Variants in NBPF12 observed in about 807,000 individuals in gnomAD.
NBPF12 encodes the protein NBPF family member NBPF12.
A neutral mutation model predicts 146.4 loss-of-function variants in NBPF12; 115 were observed. That is an observed-to-expected ratio of 0.79 (90% CI 0.68 to 0.92). The LOEUF (loss-of-function observed/expected upper bound fraction) is 0.92, where lower values mean the gene tolerates loss of function less well. Ranked by LOEUF, NBPF12 falls within the 40% of genes least tolerant of loss-of-function variation. The probability of loss-of-function intolerance (pLI) is 0.00; values close to 1 mark genes in which losing one functional copy is unlikely to be tolerated. For missense variants in NBPF12, 1,205 were observed against 1,326.8 expected (o/e 0.91, Z 1.43); for synonymous variants, 385 against 508.9 (o/e 0.76, Z 3.28).
intron 16 of NBPF12, 59 bp from the exon 20 acceptor site, chr1:146,976,870 G>C: frequency 1.7e-6 from 1 of 595,174 alleles, no homozygotes; most frequent in African/African-American, 2.0e-5. Flanking sequence ...ACATTGGGCT[G>C]ACTGTGCTTG....
Position 146,957,879 on chromosome 1 carries a change from TTATGTATATACACATATATATACACG to T in NBPF12, c.-183-1966_-183-1941del, listed in dbSNP as rs1408076982. Among the ~76,000 whole-genome samples the T allele has an allele frequency of 3.6e-5, 2 of 54,882 alleles. 1 individual carries two copies. The highest frequency in any genetic ancestry group is 6.1e-5 in the Non-Finnish European group (2 of 33,048). 36.0% of individuals were successfully genotyped at this position (54,882 alleles called of 152,430 possible). ...ATACACGTGTTATATATATTGTATA[TTATGTATATACACATATATATACACG>T]TATGTATATACACGTATATAATATA... On this transcript the variant is annotated intron_variant, in intron 2 of 33. Transcript: ENST00000617844.
At chr1:146,978,643 C>T (rs1657200717) in intron 18 of NBPF12, among the ~76,000 whole-genome samples, 3 of 151,476 alleles carry the variant, frequency 2.0e-5, no homozygotes, top group African/African-American at 7.3e-5. Context: ...GTCCGTATTG[C>T]AGCAACATTC....
At position 146,970,720 on chromosome 1, in the gene NBPF12, G is replaced by A; in HGVS notation, c.1379+1G>A. 8.8e-6 allele frequency: 12 copies of A among 1,357,584 alleles called. No homozygotes were observed. The highest frequency in any genetic ancestry group is 1.3e-5 in the Non-Finnish European group (12 of 948,986). 84.1% of individuals were successfully genotyped at this position (1,357,584 alleles called of 1,614,324 possible). ...AAGTGCTGGAATCATCTTCCCCCAG[G>A]TGACACTGAATACTCAGGAGCAAGT... On this transcript the variant is annotated splice_donor_variant, in intron 12 of 33. Coordinates refer to ENST00000617844, the Ensembl canonical transcript of NBPF12. LOFTEE classifies it high-confidence loss of function.
At chr1:146,969,688 G>T (rs1321578804) in intron 11 of NBPF12, 92 bp downstream of exon 14, 4 of 1,547,764 alleles carry the variant, frequency 2.6e-6, no homozygotes, top group Admixed American at 1.7e-5. Flanking sequence ...TGTATCAGTG[G>T]GGTTTTTTTC....
At chr1:146,947,496 CA>C (rs1179967201), upstream of NBPF12, among the ~76,000 whole-genome samples, 1 of 136,630 alleles carries the variant, frequency 7.3e-6, no homozygotes, top group South Asian at 2.7e-4. Context: ...AATAGAAACC[CA>C]AAAGTTTGTT....
chr1:146,946,816 T>G (rs2101815694), upstream of NBPF12, among the ~76,000 whole-genome samples: 1 of 152,052 alleles, frequency 6.6e-6, no homozygotes, highest in South Asian at 2.1e-4. Flanking sequence ...CTTATGGTTT[T>G]GCACTTACAT....
intron 13 of NBPF12, 65 bp from the exon 17 acceptor site, chr1:146,972,686 C>A (rs1234988457): frequency 7.8e-7 from 1 of 1,287,652 alleles, no homozygotes; most frequent in African/African-American, 1.5e-5. Flanking sequence ...TCCCTCAGTC[C>A]TGATTAAGCC....
At chr1:146,992,753 T>G (rs1658286746) in exon 32 of NBPF12, 1 of 674,444 alleles carries the variant, frequency 1.5e-6, no homozygotes, top group South Asian at 1.6e-5. Context: ...CCTGAAGTCT[T>G]GCAGGACTCA....
rs1553882537 is a variant in NBPF12 at position 146,939,187 on chromosome 1, C to A, written c.-822+205C>A. Among the ~76,000 whole-genome samples, 8 of 152,142 alleles carry A rather than the reference C, an allele frequency of 5.3e-5. No individual in the cohort carries two copies. The East Asian group carries it at 1.4e-3, about 26-fold the overall frequency. ...TCGCCTGCCGCTGCAGCCCACAGCC[C>A]TCCTCTCGTGGGCGCTGGGGAAGAA... On this transcript the variant is annotated intron_variant, in intron 1 of 35. Transcript: ENST00000617931.
chr1:146,966,313 G>C (rs1656202590), intron 8 of NBPF12, 151 bp from the exon 12 acceptor site: 1 of 776,260 alleles, frequency 1.3e-6, no homozygotes, highest in Non-Finnish European at 2.3e-6. Flanking sequence ...ACTTAAAGGA[G>C]ATCAAGACTG....
At chr1:146,956,448 A>G (rs1445663852) in intron 2 of NBPF12, among the ~76,000 whole-genome samples, 3 of 151,762 alleles carry the variant, frequency 2.0e-5, no homozygotes, top group Admixed American at 1.3e-4. Flanking sequence ...ATCCATTTGT[A>G]AACGTGCATT....
At chr1:146,994,469 A>C in exon 34 of NBPF12, 1 of 1,610,872 alleles carries the variant, frequency 6.2e-7, no homozygotes, top group Non-Finnish European at 8.5e-7. Flanking sequence ...TACTCATTTG[A>C]GGAACAGCAC....
chr1:146,973,674 C>G (rs1441022166), intron 14 of NBPF12, among the ~76,000 whole-genome samples: 1 of 148,326 alleles, frequency 6.7e-6, no homozygotes, highest in Non-Finnish European at 1.5e-5. Flanking sequence ...TGTAATCACC[C>G]CTGCTCAGGA....
At chr1:146,969,246 T>A (rs1553886051) in intron 10 of NBPF12, 136 bp from the exon 14 acceptor site, 12,118 of 1,051,628 alleles carry the variant, frequency 0.012, 218 homozygotes, top group African/African-American at 0.03. Flanking sequence ...TTGGCCACAG[T>A]CATTCCTTTC....
intron 4 of NBPF12, among the ~76,000 whole-genome samples, chr1:146,961,077 C>CTG (rs1655818760): frequency 6.6e-6 from 1 of 152,056 alleles, no homozygotes; most frequent in Admixed American, 6.6e-5. Flanking sequence ...ACCCAGCAGG[C>CTG]AGGTGTTGCA....
chr1:146,978,071 C>T (rs1288204869), intron 18 of NBPF12, among the ~76,000 whole-genome samples: 740 of 143,920 alleles, frequency 5.1e-3, no homozygotes, highest in African/African-American at 0.019. Flanking sequence ...GTTCCCCAGG[C>T]TTCACTGCTC....
chr1:146,973,877 GT>G (rs1656818549), intron 14 of NBPF12, among the ~76,000 whole-genome samples: 1 of 149,852 alleles, frequency 6.7e-6, no homozygotes, highest in Non-Finnish European at 1.5e-5. Context: ...ACAGAGTCTT[GT>G]TCCTAAAGAG....
chr1:146,954,712 C>A (rs1553884203), intron 2 of NBPF12, among the ~76,000 whole-genome samples: 1 of 149,924 alleles, frequency 6.7e-6, no homozygotes, highest in Admixed American at 6.6e-5. Context: ...TGAATGAATT[C>A]ACTACCTATT....
intron 31 of NBPF12, among the ~76,000 whole-genome samples, chr1:146,992,462 C>CTCTCTCTGTGTGTG (rs1450490306): frequency 7.2e-4 from 48 of 66,258 alleles, no homozygotes; most frequent in African/African-American, 3.2e-3. Context: ...CTCTCTCTCT[C>CTCTCTCTGTGTGTG]TGTGTGTGTG....
Sources: gnomAD v4.1 joint callset for allele counts (sites outside exome capture counted in the v4.1 genomes callset) on GRCh38, gnomAD v4.1.1 for gene constraint, MANE v1.5 for transcripts, NCBI Gene and HGNC (gene_info 2026-07-23, HGNC 2026-07-21) for gene names.